Variants in SUCLA2 observed in about 807,000 individuals in gnomAD.
SUCLA2 encodes succinate-CoA ligase ADP-forming subunit beta.
Under a neutral mutation model 54.8 loss-of-function variants are expected in SUCLA2, and 30 were observed. The ratio of observed to expected loss-of-function variants is 0.55; its 90% CI spans 0.41 to 0.74. The LOEUF (loss-of-function observed/expected upper bound fraction) is 0.74. SUCLA2 is among the 30% of genes least tolerant of loss of function. The pLI, the probability that SUCLA2 is intolerant of heterozygous loss-of-function variation, is 0.00. For synonymous variants in SUCLA2, 172 were observed against 188.9 expected (o/e 0.91, Z 0.74); for missense variants, 476 against 562.9 (o/e 0.85, Z 1.56).
At chr13:47,962,231 T>A (rs1296598443) in intron 6 of SUCLA2, among the ~76,000 whole-genome samples, 1 of 152,238 alleles carries the variant, frequency 6.6e-6, no homozygotes, top group Non-Finnish European at 1.5e-5. Flanking sequence ...GATACTTTAA[T>A]AAGTAGAATT....
At chr13:47,977,944 A>T (rs1950030286) in intron 4 of SUCLA2, among the ~76,000 whole-genome samples, 1 of 152,182 alleles carries the variant, frequency 6.6e-6, no homozygotes, top group African/African-American at 2.4e-5. Context: ...AATACCTAGA[A>T]ATACAACTTA....
At chr13:47,976,390 A>G (rs1259775630) in intron 4 of SUCLA2, among the ~76,000 whole-genome samples, 1 of 152,182 alleles carries the variant, frequency 6.6e-6, no homozygotes, top group Non-Finnish European at 1.5e-5. Flanking sequence ...CCAAACTAAC[A>G]TAGTTTGGGA....
intron 5 of SUCLA2, chr13:47,971,507 A>T (rs2137719248): frequency 5.0e-6 from 1 of 201,548 alleles, no homozygotes; most frequent in Non-Finnish European, 9.9e-6. Context: ...AAATATTACC[A>T]AGCAACTCTC....
chr13:47,974,548 T>C (rs901213898), intron 4 of SUCLA2, among the ~76,000 whole-genome samples: 4 of 151,926 alleles, frequency 2.6e-5, no homozygotes, highest in Admixed American at 1.3e-4. Flanking sequence ...GATCACACCA[T>C]GGCACTCCAG....
intron 6 of SUCLA2, among the ~76,000 whole-genome samples, chr13:47,963,084 G>C (rs1231902928): frequency 6.6e-6 from 1 of 152,094 alleles, no homozygotes; most frequent in Non-Finnish European, 1.5e-5. Flanking sequence ...TTGAGACTGA[G>C]ATCCTATCTC....
intron 2 of SUCLA2, 62 bp from the exon 3 acceptor site, chr13:47,989,043 TG>T (rs1246128247): frequency 6.6e-7 from 1 of 1,504,276 alleles, no homozygotes; most frequent in Non-Finnish European, 9.2e-7. Flanking sequence ...CATAGTATTT[TG>T]TTATTTAACA....
chr13:47,961,908 G>A (rs536467335), intron 6 of SUCLA2, among the ~76,000 whole-genome samples: 58 of 152,244 alleles, frequency 3.8e-4, no homozygotes, highest in African/African-American at 1.4e-3. Flanking sequence ...TGCTTCTTTG[G>A]AGGAGTTCAT....
intron 1 of SUCLA2, chr13:48,000,927 G>C (rs1252437166): frequency 2.2e-6 from 3 of 1,379,886 alleles, no homozygotes; most frequent in South Asian, 3.2e-5. Flanking sequence ...CCATCTCTTA[G>C]AAACTGCAGG....
chr13:47,954,076 ATTTT>A, intron 8 of SUCLA2, 60 bp downstream of exon 8: 1 of 1,261,952 alleles, frequency 7.9e-7, no homozygotes, highest in Non-Finnish European at 1.0e-6. Context: ...AAAAATATAC[ATTTT>A]TATAAGTATT....
rs183476651 is a variant in SUCLA2 at position 47,959,469 on chromosome 13, G to A, written c.803-4912C>T. On this transcript the variant is annotated intron_variant, in intron 6 of 10. Transcript: ENST00000646932. The stretch of plus-strand genomic sequence containing the variant: ...AGGGGGAGGAGGAGAGGTGGAGGAG[G>A]AGGGGCGGAGGAGGAGGGGGGAAGG... Among the ~76,000 whole-genome samples, 556 of 110,060 alleles carry A rather than the reference G, an allele frequency of 5.1e-3. 8 individuals are homozygous for A. The highest frequency in any genetic ancestry group is 0.018 in the African/African-American group (535 of 29,446). 72.2% of individuals were successfully genotyped at this position (110,060 alleles called of 152,430 possible).
chr13:47,976,918 T>C (rs1324061850), intron 4 of SUCLA2, among the ~76,000 whole-genome samples: 1 of 142,646 alleles, frequency 7.0e-6, no homozygotes, highest in Admixed American at 7.0e-5. Context: ...CACAAGAAAC[T>C]AGAAAAAGAA....
At chr13:47,991,205 A>T (rs1412530549) in intron 2 of SUCLA2, among the ~76,000 whole-genome samples, 2 of 152,152 alleles carry the variant, frequency 1.3e-5, no homozygotes, top group Non-Finnish European at 2.9e-5. Flanking sequence ...TGCCAGTCTC[A>T]CTCAGTTAAA....
intron 2 of SUCLA2, among the ~76,000 whole-genome samples, chr13:47,992,619 A>T (rs1171498541): frequency 6.6e-6 from 1 of 152,216 alleles, no homozygotes; most frequent in Non-Finnish European, 1.5e-5. Flanking sequence ...GTCTTATTAC[A>T]TTTGGCACTG....
rs35103136 is a variant in SUCLA2, at chr13:47,992,388, CAAA to C, written c.272-3410_272-3408del. ...AAAAAAAAGCCCTTCACAACGAAAG[CAAA>C]AAAAAAAAAAAAAAAAAAATTTTTC... On this transcript the variant is annotated intron_variant, in intron 2 of 10. Coordinates refer to ENST00000646932, the MANE Select transcript of SUCLA2 (RefSeq NM_003850.3). 4.5e-3 allele frequency among the ~76,000 whole-genome samples: 423 copies of C among 93,094 alleles called. 2 individuals carry two copies. Among genetic ancestry groups the C allele is most frequent in the Middle Eastern group, 6.2e-3 (1 of 162 alleles). 61.1% of individuals were successfully genotyped at this position (93,094 alleles called of 152,430 possible).
intron 1 of SUCLA2, chr13:48,000,807 C>T (rs545224028): frequency 1.9e-6 from 2 of 1,055,754 alleles, no homozygotes; most frequent in East Asian, 6.7e-5. Flanking sequence ...GGCATTCCCC[C>T]CTGCCCAAAA....
At chr13:47,983,381 T>C (rs187415517) in intron 4 of SUCLA2, among the ~76,000 whole-genome samples, 883 of 67,240 alleles carry the variant, frequency 0.013, 12 homozygotes, top group African/African-American at 0.031. Flanking sequence ...TGAAATAGAA[T>C]ATAGACAAAT....
intron 9 of SUCLA2, among the ~76,000 whole-genome samples, 163 bp from the exon 10 acceptor site, chr13:47,949,191 T>C (rs1949757819): frequency 6.6e-6 from 1 of 152,232 alleles, no homozygotes; most frequent in Admixed American, 6.5e-5. Context: ...AAGCCCAGGT[T>C]ATCTTATAAA....
At chr13:47,969,110 C>T (rs570491549) in intron 5 of SUCLA2, among the ~76,000 whole-genome samples, 14 of 152,206 alleles carry the variant, frequency 9.2e-5, no homozygotes, top group African/African-American at 3.1e-4. Context: ...CAGTGGCTCA[C>T]ACCTGTAATG....
At chr13:47,981,369 G>C (rs548709508) in intron 4 of SUCLA2, among the ~76,000 whole-genome samples, 4 of 152,236 alleles carry the variant, frequency 2.6e-5, no homozygotes, top group African/African-American at 9.6e-5. Flanking sequence ...AAGATACTCA[G>C]TATCACTAAT....
Sources: allele counts gnomAD v4.1 joint callset (sites outside exome capture counted in the v4.1 genomes callset), GRCh38; gene constraint gnomAD v4.1.1; transcripts MANE v1.5; gene names NCBI Gene and HGNC (gene_info 2026-07-23, HGNC 2026-07-21).